ESRRG: variants seen among roughly 807,000 people sequenced by gnomAD.
The protein encoded by ESRRG is estrogen-related receptor gamma.
In ESRRG, 13 loss-of-function variants were observed where a neutral mutation model predicts 44.0. The observed-to-expected ratio is 0.30, with a 90% CI of 0.19 to 0.47. The LOEUF is 0.47. Among genes scored for constraint, ESRRG ranks in the 20% least tolerant of loss-of-function variants. ESRRG has a pLI of 1.00. For missense variants in ESRRG, 395 were observed against 580.6 expected (o/e 0.68, Z 3.29); for synonymous variants, 215 against 214.6 (o/e 1.00, Z -0.02).
At chr1:216,768,449 A>AT (rs2093200532) in intron 2 of ESRRG, among the ~76,000 whole-genome samples, 2 of 82,376 alleles carry the variant, frequency 2.4e-5, no homozygotes, top group South Asian at 5.0e-4. Context: ...TCTATCTATC[A>AT]TTATCTATCT....
intron 2 of ESRRG, among the ~76,000 whole-genome samples, chr1:216,799,833 G>A (rs997500298): frequency 1.3e-5 from 2 of 152,026 alleles, no homozygotes; most frequent in African/African-American, 2.4e-5. Flanking sequence ...ACGGGACTGG[G>A]TGAATTTATC....
intron 2 of ESRRG, among the ~76,000 whole-genome samples, chr1:216,853,643 T>C (rs1484726272): frequency 2.0e-5 from 3 of 152,156 alleles, no homozygotes; most frequent in Non-Finnish European, 4.4e-5. Flanking sequence ...CATCACATTT[T>C]ACCTCTCTTC....
chr1:216,952,866 C>T (rs2067212503), intron 1 of ESRRG, among the ~76,000 whole-genome samples: 1 of 152,092 alleles, frequency 6.6e-6, no homozygotes, highest in Non-Finnish European at 1.5e-5. Context: ...CACCAAGAGT[C>T]ATCAATTTTC....
intron 3 of ESRRG, among the ~76,000 whole-genome samples, chr1:216,606,574 A>G (rs910408306): frequency 2.6e-5 from 4 of 152,122 alleles, no homozygotes; most frequent in Non-Finnish European, 4.4e-5. Flanking sequence ...TAAGCTAAAC[A>G]AGATGACCCT....
intron 2 of ESRRG, among the ~76,000 whole-genome samples, chr1:216,823,292 A>G (rs938227702): frequency 3.3e-5 from 5 of 152,188 alleles, no homozygotes; most frequent in African/African-American, 1.2e-4. Context: ...ATGTATTTAC[A>G]ATGATGAAAT....
At chr1:216,818,794 T>A (rs1004725282) in intron 2 of ESRRG, among the ~76,000 whole-genome samples, 10 of 152,106 alleles carry the variant, frequency 6.6e-5, no homozygotes, top group African/African-American at 2.2e-4. Flanking sequence ...GCCCCCAGTG[T>A]GTGTTGTTCC....
intron 1 of ESRRG, among the ~76,000 whole-genome samples, chr1:217,124,099 C>T (rs2092859686): frequency 6.6e-6 from 1 of 152,122 alleles, no homozygotes; most frequent in African/African-American, 2.4e-5. Context: ...GTGCACTCAC[C>T]TTCCCTGACT....
chr1:216,585,512 G>GA (rs11320052), intron 3 of ESRRG, among the ~76,000 whole-genome samples: 3,237 of 148,252 alleles, frequency 0.022, 108 homozygotes, highest in African/African-American at 0.075. Context: ...AATATTCACT[G>GA]AAAAAAAAAA....
At chr1:216,718,139 T>G (rs559769127) in intron 1 of ESRRG, among the ~76,000 whole-genome samples, 2 of 151,910 alleles carry the variant, frequency 1.3e-5, no homozygotes, top group Admixed American at 6.6e-5. Flanking sequence ...AAACTCAGAT[T>G]AAAATCAGAT....
At chr1:216,889,560 A>C (rs2057489109) in intron 2 of ESRRG, among the ~76,000 whole-genome samples, 1 of 152,212 alleles carries the variant, frequency 6.6e-6, no homozygotes, top group Admixed American at 6.5e-5. Flanking sequence ...TCTTCCTTGC[A>C]AACCCATCGT....
Position 216,529,775 on chromosome 1 carries a change from G to T in ESRRG, c.863-10354C>A, listed in dbSNP as rs139615369. Among the ~76,000 whole-genome samples, 224 of 152,174 alleles carry T rather than the reference G, an allele frequency of 1.5e-3. 3 individuals are homozygous for T. Among genetic ancestry groups the T allele is most frequent in the Non-Finnish European group, 2.8e-3 (187 of 67,994 alleles). On this transcript the variant is annotated intron_variant, in intron 5 of 6. Coordinates refer to ENST00000408911, the MANE Select transcript of ESRRG (RefSeq NM_001438.4). ...AATATTTTTAAAGGTGAAATGAACT[G>T]CTTTTCTTGGGAATATCCCACAATT...
At chr1:217,054,444 C>A (rs2086689429) in intron 1 of ESRRG, among the ~76,000 whole-genome samples, 2 of 152,208 alleles carry the variant, frequency 1.3e-5, no homozygotes, top group African/African-American at 4.8e-5. Flanking sequence ...GTATAGGGAT[C>A]ATTTTCTGAG....
chr1:216,998,483 A>G (rs951826961), intron 1 of ESRRG, among the ~76,000 whole-genome samples: 5 of 152,350 alleles, frequency 3.3e-5, no homozygotes, highest in African/African-American at 1.2e-4. Flanking sequence ...GGCTTTGAAG[A>G]TGGCATGATG....
At chr1:216,950,483 C>CTGCCT (rs1481015556) in intron 1 of ESRRG, among the ~76,000 whole-genome samples, 1 of 152,148 alleles carries the variant, frequency 6.6e-6, no homozygotes, top group Non-Finnish European at 1.5e-5. Flanking sequence ...ACTTGAAATA[C>CTGCCT]TGCCTTGATT....
rs1575771956 is a variant in ESRRG at position 216,723,369 on chromosome 1, A to G, written c.-70T>C. The stretch of plus-strand genomic sequence containing the variant: ...AGTTTCCTTGACAGAGCACAGTGCA[A>G]TTAACACAAATGTTCTCCTAGTGAC... On this transcript the variant is annotated 5_prime_UTR_variant, in exon 1 of 7. Coordinates refer to ENST00000408911, the MANE Select transcript of ESRRG (RefSeq NM_001438.4). 5.6e-6 allele frequency: 8 copies of G among 1,425,186 alleles called. No individual in the cohort carries two copies. The highest frequency in any genetic ancestry group is 4.0e-6 in the Non-Finnish European group (4 of 1,009,022). 88.3% of individuals were successfully genotyped at this position (1,425,186 alleles called of 1,614,324 possible).
intron 1 of ESRRG, among the ~76,000 whole-genome samples, chr1:216,974,030 A>C (rs1039010326): frequency 6.6e-6 from 1 of 152,040 alleles, no homozygotes; most frequent in African/African-American, 2.4e-5. Context: ...TCAGTCACAA[A>C]CCCCGGTGTA....
At chr1:216,833,348 T>G (rs2095515901) in intron 2 of ESRRG, among the ~76,000 whole-genome samples, 1 of 152,226 alleles carries the variant, frequency 6.6e-6, no homozygotes, top group South Asian at 2.1e-4. Flanking sequence ...AAGAATTCAG[T>G]CAGATCCACA....
intron 1 of ESRRG, among the ~76,000 whole-genome samples, chr1:217,088,446 C>A (rs2092231742): frequency 1.0e-5 from 1 of 98,614 alleles, no homozygotes; most frequent in Admixed American, 1.6e-4. Flanking sequence ...AGAGAGAGTG[C>A]TATTTTCAAC....
intron 2 of ESRRG, among the ~76,000 whole-genome samples, chr1:216,742,461 AC>A (rs2090872120): frequency 6.6e-6 from 1 of 152,164 alleles, no homozygotes; most frequent in Non-Finnish European, 1.5e-5. Context: ...GAAGACAAGA[AC>A]TACCTGGTTC....
Sources: allele counts gnomAD v4.1 joint callset (sites outside exome capture counted in the v4.1 genomes callset), GRCh38; gene constraint gnomAD v4.1.1; transcripts MANE v1.5; gene names NCBI Gene and HGNC (gene_info 2026-07-23, HGNC 2026-07-21).